The following TMPRSS11F variants were observed in gnomAD, a reference collection of about 807,000 sequenced individuals.
TMPRSS11F encodes transmembrane protease serine 11F.
A neutral mutation model predicts 60.2 loss-of-function variants in TMPRSS11F; 47 were observed. The observed-to-expected ratio is 0.78, with a 90% confidence interval of 0.62 to 1.00. TMPRSS11F has a LOEUF of 1.00. Ranked by LOEUF, TMPRSS11F falls within the 50% of genes least tolerant of loss-of-function variation. TMPRSS11F has a pLI of 0.00. For missense variants in TMPRSS11F, 519 were observed against 522.9 expected (o/e 0.99, Z 0.07); for synonymous variants, 166 against 167.3 (o/e 0.99, Z 0.06).
intron 3 of TMPRSS11F, among the ~76,000 whole-genome samples, chr4:68,083,850 A>G (rs1241865950): frequency 6.6e-6 from 1 of 152,190 alleles, no homozygotes; most frequent in Non-Finnish European, 1.5e-5. Flanking sequence ...GACTGAAACT[A>G]CAGATATAGA....
At chr4:68,060,701 G>T (rs1462649404) in intron 8 of TMPRSS11F, among the ~76,000 whole-genome samples, 1 of 150,536 alleles carries the variant, frequency 6.6e-6, no homozygotes, top group East Asian at 2.0e-4. Flanking sequence ...CTTTAATGCA[G>T]CCCTGTAAAA....
chr4:68,117,500 C>T (rs1438340297), intron 1 of TMPRSS11F, among the ~76,000 whole-genome samples: 3 of 118,806 alleles, frequency 2.5e-5, no homozygotes, highest in African/African-American at 9.3e-5. Context: ...AAAAAATGGA[C>T]AAATGACCTG....
chr4:68,056,187 C>A (rs1430723636), intron 9 of TMPRSS11F, among the ~76,000 whole-genome samples: 1 of 151,804 alleles, frequency 6.6e-6, no homozygotes, highest in Non-Finnish European at 1.5e-5. Flanking sequence ...AGAAATTAGG[C>A]AAGAGAAAGA....
intron 2 of TMPRSS11F, among the ~76,000 whole-genome samples, chr4:68,096,204 T>C (rs1179163732): frequency 6.6e-6 from 1 of 152,040 alleles, no homozygotes; most frequent in Admixed American, 6.6e-5. Flanking sequence ...CTCAAAAAAA[T>C]ACGTACAATG....
chr4:68,068,598 A>G lies in TMPRSS11F; in HGVS notation c.755+20T>C. The G allele has an allele frequency of 1.9e-6, 3 of 1,607,476 alleles. No individual in the cohort carries two copies. The highest frequency in any genetic ancestry group is 2.6e-6 in the Non-Finnish European group (3 of 1,174,082). On this transcript the variant is annotated intron_variant, in intron 7 of 9. Coordinates refer to ENST00000356291, the MANE Select transcript of TMPRSS11F (RefSeq NM_207407.2). ...TGAGGACTGTGAAAAGAAGGCTCAC[A>G]GCAGCCTTGGTTAACTTACTTCCAA... is the stretch of plus-strand genomic sequence containing the variant.
intron 3 of TMPRSS11F, among the ~76,000 whole-genome samples, chr4:68,076,314 T>A (rs1723583410): frequency 6.6e-6 from 1 of 152,116 alleles, no homozygotes; most frequent in South Asian, 2.1e-4. Context: ...GTTATTAAAA[T>A]TCCTGCTAAA....
chr4:68,098,499 T>C, intron 2 of TMPRSS11F, among the ~76,000 whole-genome samples: 1 of 152,202 alleles, frequency 6.6e-6, no homozygotes, highest in East Asian at 1.9e-4. Flanking sequence ...TCTTTAGCCC[T>C]TTAAAGGTAT....
At chr4:68,062,056 C>T (rs774679004) in intron 8 of TMPRSS11F, 5 of 451,882 alleles carry the variant, frequency 1.1e-5, no homozygotes, top group Non-Finnish European at 1.8e-5. Context: ...TGAAACCCTT[C>T]GCCATTAGAT....
Position 68,088,677 on chromosome 4 carries a change from A to T in TMPRSS11F, c.282+1846T>A, listed in dbSNP as rs1293127140. On this transcript the variant is annotated intron_variant, in intron 3 of 9. Transcript: ENST00000356291. Reference sequence around the variant, plus strand: ...TCCTCAGGAAATGTAAAATAACAGAAATTATAACAAACTATCTCTCAGCCC... The same window carrying T: ...TCCTCAGGAAATGTAAAATAACAGATATTATAACAAACTATCTCTCAGCCC... Among the ~76,000 whole-genome samples, 2 of 152,290 alleles carry T rather than the reference A, an allele frequency of 1.3e-5. 1 individual carries two copies. The highest frequency in any genetic ancestry group is 4.1e-4 in the South Asian group (2 of 4,828).
At chr4:68,061,606 A>G (rs1463630865) in intron 8 of TMPRSS11F, among the ~76,000 whole-genome samples, 4 of 152,216 alleles carry the variant, frequency 2.6e-5, no homozygotes, top group African/African-American at 9.6e-5. Context: ...GAAAATTAAA[A>G]TTGAATCGTT....
chr4:68,071,044 C>G (rs372574283), intron 5 of TMPRSS11F, among the ~76,000 whole-genome samples: 8 of 152,128 alleles, frequency 5.3e-5, no homozygotes, highest in Non-Finnish European at 1.2e-4. Flanking sequence ...CAATAAGAAA[C>G]TCTACAGCTG....
At chr4:68,082,500 A>G (rs1002729528) in intron 3 of TMPRSS11F, among the ~76,000 whole-genome samples, 7 of 152,160 alleles carry the variant, frequency 4.6e-5, no homozygotes, top group African/African-American at 1.2e-4. Flanking sequence ...TCTCTTCTGT[A>G]CAGCTGGCTG....
chr4:68,110,298 A>G lies in TMPRSS11F; in HGVS notation c.12-11260T>C, dbSNP rs968821687. 6.6e-5 allele frequency among the ~76,000 whole-genome samples: 10 copies of G among 152,306 alleles called. No individual in the cohort carries two copies. In the South Asian group the frequency reaches 1.0e-3, roughly 16 times the overall value. On this transcript the variant is annotated intron_variant, in intron 1 of 9. Transcript: ENST00000356291. ...GCAATGGAGAACAAATACAATATTCATTTTAAATGCTATTTTAGATGCACA... is the reference window on the plus strand; with the variant it reads ...GCAATGGAGAACAAATACAATATTCGTTTTAAATGCTATTTTAGATGCACA...
intron 4 of TMPRSS11F, among the ~76,000 whole-genome samples, chr4:68,072,872 G>T (rs1723509511): frequency 1.3e-5 from 2 of 152,142 alleles, no homozygotes; most frequent in South Asian, 4.1e-4. Context: ...TTATTCTTTA[G>T]AAGTGGTGTG....
At chr4:68,085,704 C>T (rs2109859570) in intron 3 of TMPRSS11F, among the ~76,000 whole-genome samples, 1 of 152,180 alleles carries the variant, frequency 6.6e-6, no homozygotes, top group East Asian at 1.9e-4. Flanking sequence ...CACCCATAGG[C>T]TCAAAGTAAA....
intron 3 of TMPRSS11F, among the ~76,000 whole-genome samples, chr4:68,084,170 T>C (rs998494345): frequency 6.6e-6 from 1 of 151,904 alleles, no homozygotes; most frequent in Admixed American, 6.6e-5. Flanking sequence ...TGAGATTATG[T>C]AAAGAGACCA....
At position 68,117,295 on chromosome 4, in the gene TMPRSS11F, G is replaced by A. The variant is rs773071325; in HGVS notation, c.11+12515C>T. On this transcript the variant is annotated intron_variant, in intron 1 of 9. Coordinates refer to ENST00000356291, the MANE Select transcript of TMPRSS11F (RefSeq NM_207407.2). ...ATCCAGGCTAACACGGTGAAACCCCGTCTCTACTAAAAATACAGAAAATTA... is the reference window on the plus strand; with the variant it reads ...ATCCAGGCTAACACGGTGAAACCCCATCTCTACTAAAAATACAGAAAATTA... Among the ~76,000 whole-genome samples the A allele has an allele frequency of 6.6e-5, 10 of 151,580 alleles. No individual in the cohort carries two copies. The East Asian group carries it at 9.7e-4, about 15-fold the overall frequency.
intron 1 of TMPRSS11F, among the ~76,000 whole-genome samples, chr4:68,105,683 A>G (rs1724290809): frequency 6.6e-6 from 1 of 152,186 alleles, no homozygotes; most frequent in Non-Finnish European, 1.5e-5. Flanking sequence ...CTGACAGTTT[A>G]TAGTTAAGAA....
intron 2 of TMPRSS11F, among the ~76,000 whole-genome samples, chr4:68,093,004 T>C (rs1723976913): frequency 1.3e-5 from 2 of 152,210 alleles, no homozygotes; most frequent in Admixed American, 1.3e-4. Context: ...CTTTATTGAA[T>C]TGTCCTTATA....
Sources: gnomAD v4.1 joint callset for allele counts (sites outside exome capture counted in the v4.1 genomes callset) on GRCh38, gnomAD v4.1.1 for gene constraint, MANE v1.5 for transcripts, NCBI Gene and HGNC (gene_info 2026-07-23, HGNC 2026-07-21) for gene names.